Variants in CHODL observed in about 807,000 individuals in gnomAD.
The protein encoded by CHODL is transmembrane protein MT75.
Under a neutral mutation model 34.5 loss-of-function variants are expected in CHODL, and 29 were observed. The observed-to-expected ratio is 0.84, with a 90% confidence interval of 0.63 to 1.15. The LOEUF (loss-of-function observed/expected upper bound fraction) is 1.15, where lower values mean the gene tolerates loss of function less well. Among genes scored for constraint, CHODL ranks in the 50% most tolerant of loss-of-function variants. CHODL has a pLI of 0.00. For missense variants in CHODL, 332 were observed against 332.5 expected (o/e 1.00, Z 0.01); for synonymous variants, 125 against 116.1 (o/e 1.08, Z -0.49).
intron 2 of CHODL, among the ~76,000 whole-genome samples, chr21:18,222,725 G>A (rs2073896336): frequency 6.6e-6 from 1 of 152,106 alleles, no homozygotes; most frequent in South Asian, 2.1e-4. Flanking sequence ...CTACCCTGCT[G>A]GATTCTAGAA....
At chr21:17,943,724 C>G (rs973996365) in intron 1 of CHODL, among the ~76,000 whole-genome samples, 3 of 152,148 alleles carry the variant, frequency 2.0e-5, no homozygotes, top group African/African-American at 7.2e-5. Flanking sequence ...TCTGACCATG[C>G]TCTCTGTCCC....
At chr21:18,140,735 A>G (rs967077501) in intron 2 of CHODL, among the ~76,000 whole-genome samples, 1 of 152,048 alleles carries the variant, frequency 6.6e-6, no homozygotes, top group East Asian at 1.9e-4. Context: ...TGGTGGTGGT[A>G]TGGCTGGTGG....
chr21:18,178,844 G>A (rs1188248849), intron 2 of CHODL, among the ~76,000 whole-genome samples: 1 of 152,078 alleles, frequency 6.6e-6, no homozygotes, highest in Non-Finnish European at 1.5e-5. Flanking sequence ...CAACCATAGA[G>A]TTTAGTCATG....
At chr21:18,049,996 T>C (rs775253854) in intron 2 of CHODL, among the ~76,000 whole-genome samples, 2 of 151,990 alleles carry the variant, frequency 1.3e-5, no homozygotes, top group Non-Finnish European at 2.9e-5. Context: ...TTCCTGGAGC[T>C]AACAGCCTAA....
intron 2 of CHODL, among the ~76,000 whole-genome samples, chr21:18,193,603 G>A (rs1448859716): frequency 6.6e-6 from 1 of 151,588 alleles, no homozygotes; most frequent in Non-Finnish European, 1.5e-5. Flanking sequence ...GGCTGAGGCA[G>A]GAGATTTGTT....
intron 2 of CHODL, among the ~76,000 whole-genome samples, chr21:18,165,304 C>T (rs1406775542): frequency 1.3e-5 from 2 of 152,194 alleles, no homozygotes; most frequent in African/African-American, 4.8e-5. Flanking sequence ...GTTTTTATTT[C>T]GTCGATCCAC....
chr21:18,105,336 T>C (rs2065260670), intron 2 of CHODL, among the ~76,000 whole-genome samples: 1 of 152,166 alleles, frequency 6.6e-6, no homozygotes, highest in Non-Finnish European at 1.5e-5. Flanking sequence ...ATACTAGACT[T>C]GCTTTGTTGC....
chr21:18,075,067 T>C (rs1455162521), intron 2 of CHODL, among the ~76,000 whole-genome samples: 1 of 152,226 alleles, frequency 6.6e-6, no homozygotes, highest in African/African-American at 2.4e-5. Flanking sequence ...TTAAGATGTC[T>C]TTTTTGATAT....
At chr21:18,154,451 C>G (rs370090366) in intron 2 of CHODL, among the ~76,000 whole-genome samples, 8 of 152,212 alleles carry the variant, frequency 5.3e-5, no homozygotes, top group African/African-American at 1.9e-4. Flanking sequence ...AGTTGCTTCT[C>G]CGCAATTTAT....
chr21:17,940,977 G>A, intron 1 of CHODL, among the ~76,000 whole-genome samples: 1 of 152,254 alleles, frequency 6.6e-6, no homozygotes, highest in Admixed American at 6.5e-5. Context: ...TAATTTTAAA[G>A]TAAACTATTA....
At chr21:17,952,878 GA>G (rs2063469850) in intron 1 of CHODL, among the ~76,000 whole-genome samples, 1 of 152,164 alleles carries the variant, frequency 6.6e-6, no homozygotes, top group Admixed American at 6.5e-5. Flanking sequence ...GGCGGAAGGC[GA>G]AAGGGAAGCA....
intron 2 of CHODL, among the ~76,000 whole-genome samples, chr21:18,165,739 C>G (rs2073144991): frequency 6.6e-6 from 1 of 152,156 alleles, no homozygotes. Flanking sequence ...AATATTCTAT[C>G]TTTCAGTGGC....
intron 2 of CHODL, among the ~76,000 whole-genome samples, chr21:18,047,011 A>C (rs889423871): frequency 1.3e-5 from 2 of 151,906 alleles, no homozygotes; most frequent in Non-Finnish European, 2.9e-5. Flanking sequence ...CAAATTAGCA[A>C]GTGATTCCTC....
chr21:18,107,477 C>T (rs2065287633), intron 2 of CHODL, among the ~76,000 whole-genome samples: 1 of 152,220 alleles, frequency 6.6e-6, no homozygotes, highest in African/African-American at 2.4e-5. Flanking sequence ...CAGGCCATAG[C>T]AGGCCTTGAA....
intron 2 of CHODL, among the ~76,000 whole-genome samples, chr21:18,172,246 T>C (rs1036319903): frequency 1.2e-4 from 19 of 152,342 alleles, no homozygotes; most frequent in Admixed American, 1.0e-3. Flanking sequence ...CTGTTTTACT[T>C]TTCTGACAAA....
chr21:18,083,723 A>C (rs2064969978), intron 2 of CHODL, among the ~76,000 whole-genome samples: 1 of 152,200 alleles, frequency 6.6e-6, no homozygotes, highest in Non-Finnish European at 1.5e-5. Flanking sequence ...TGCATGGGGC[A>C]TGTGGCCCTT....
chr21:18,214,800 G>A (rs1042467676), intron 2 of CHODL, among the ~76,000 whole-genome samples: 2 of 152,018 alleles, frequency 1.3e-5, no homozygotes, highest in Non-Finnish European at 2.9e-5. Context: ...AATCACTTAG[G>A]CGATAGTCAC....
At chr21:18,066,653 A>C (rs1469715268) in intron 2 of CHODL, among the ~76,000 whole-genome samples, 1 of 152,162 alleles carries the variant, frequency 6.6e-6, no homozygotes, top group South Asian at 2.1e-4. Flanking sequence ...TATGGCCTGA[A>C]TTCTCTTCCC....
intron 2 of CHODL, among the ~76,000 whole-genome samples, chr21:18,044,622 C>A (rs1192810133): frequency 6.6e-6 from 1 of 151,892 alleles, no homozygotes; most frequent in African/African-American, 2.4e-5. Flanking sequence ...ATAATCTTCT[C>A]TCTTTTGGTA....
Sources: allele counts gnomAD v4.1 joint callset (sites outside exome capture counted in the v4.1 genomes callset), GRCh38; gene constraint gnomAD v4.1.1; transcripts MANE v1.5; gene names NCBI Gene and HGNC (gene_info 2026-07-23, HGNC 2026-07-21).